The following ELAVL2 variants were observed in gnomAD, a reference collection of about 807,000 sequenced individuals.
ELAVL2 encodes ELAV like RNA binding protein 2, also known as ELAV-like protein 2.
ELAVL2 carries 4 observed loss-of-function variants against 34.6 expected under a neutral mutation model. The ratio of observed to expected loss-of-function variants is 0.12; its 90% CI spans 0.06 to 0.26. The LOEUF is 0.26. ELAVL2 is among the 10% of genes least tolerant of loss of function. The pLI is 1.00. For missense variants in ELAVL2, 432 were observed against 442.8 expected, an observed-to-expected ratio of 0.98 and a Z score of 0.22; for synonymous variants, 193 against 154.8, an observed-to-expected ratio of 1.25 and a Z score of -1.83.
intron 1 of ELAVL2, among the ~76,000 whole-genome samples, chr9:23,814,751 G>C (rs560687261): frequency 2.0e-5 from 3 of 152,100 alleles, no homozygotes; most frequent in Non-Finnish European, 4.4e-5. Flanking sequence ...CTGCAATAAA[G>C]GTGGATGACC....
intron 1 of ELAVL2, among the ~76,000 whole-genome samples, chr9:23,787,162 A>C (rs2059791200): frequency 6.6e-6 from 1 of 152,094 alleles, no homozygotes; most frequent in South Asian, 2.1e-4. Context: ...GACAGCTATT[A>C]ATTTAATTTA....
intron 1 of ELAVL2, among the ~76,000 whole-genome samples, chr9:23,812,979 T>G (rs1252527237): frequency 2.0e-5 from 3 of 152,114 alleles, no homozygotes; most frequent in Admixed American, 2.0e-4. Flanking sequence ...CAGATCTTCA[T>G]ATCTATTTAC....
intron 1 of ELAVL2, among the ~76,000 whole-genome samples, chr9:23,797,024 G>C (rs769329381): frequency 2.6e-5 from 4 of 152,094 alleles, no homozygotes; most frequent in Admixed American, 2.0e-4. Flanking sequence ...AGCATGACAT[G>C]GTAGCCAATT....
chr9:23,747,503 C>T (rs1046675189), intron 2 of ELAVL2, among the ~76,000 whole-genome samples: 6 of 152,094 alleles, frequency 3.9e-5, no homozygotes, highest in Non-Finnish European at 8.8e-5. Flanking sequence ...TGATATTCTC[C>T]AGCACACCCA....
intron 1 of ELAVL2, among the ~76,000 whole-genome samples, chr9:23,810,939 A>G (rs2138077970): frequency 6.6e-6 from 1 of 152,268 alleles, no homozygotes; most frequent in Non-Finnish European, 1.5e-5. Flanking sequence ...TGGTAAGTCA[A>G]CAACTAAAAA....
intron 3 of ELAVL2, among the ~76,000 whole-genome samples, chr9:23,719,626 T>C (rs1339327817): frequency 6.6e-6 from 1 of 152,118 alleles, no homozygotes; most frequent in East Asian, 1.9e-4. Context: ...TAAATTAAGT[T>C]TGCATATAGC....
intron 3 of ELAVL2, among the ~76,000 whole-genome samples, chr9:23,716,369 G>C (rs2042314358): frequency 6.6e-6 from 1 of 152,034 alleles, no homozygotes; most frequent in African/African-American, 2.4e-5. Flanking sequence ...CAAAAAAGCT[G>C]TTAAGTCCTT....
intron 2 of ELAVL2, 51 bp from the exon 3 acceptor site, chr9:23,731,176 A>C: frequency 6.6e-7 from 1 of 1,511,234 alleles, no homozygotes; most frequent in Admixed American, 2.0e-5. Context: ...TACTGTTGAC[A>C]GAGATCAACT....
chr9:23,824,944 C>A (rs1343061775), intron 1 of ELAVL2, among the ~76,000 whole-genome samples: 6 of 152,140 alleles, frequency 3.9e-5, no homozygotes, highest in Non-Finnish European at 7.4e-5. Flanking sequence ...TCCCCGAAGG[C>A]GAAGTCAGCC....
intron 2 of ELAVL2, among the ~76,000 whole-genome samples, chr9:23,761,757 A>G (rs2055065682): frequency 6.6e-6 from 1 of 152,036 alleles, no homozygotes; most frequent in South Asian, 2.1e-4. Context: ...CTTTTAGAAG[A>G]TTTTCCAAAG....
intron 3 of ELAVL2, among the ~76,000 whole-genome samples, chr9:23,727,343 T>C (rs1318795645): frequency 1.3e-5 from 2 of 152,104 alleles, no homozygotes; most frequent in Non-Finnish European, 2.9e-5. Context: ...TCAATTTCTA[T>C]GCCATGTTTT....
intron 2 of ELAVL2, among the ~76,000 whole-genome samples, chr9:23,736,918 T>C (rs1256171665): frequency 1.3e-5 from 2 of 152,140 alleles, no homozygotes; most frequent in Non-Finnish European, 2.9e-5. Context: ...AAAATGCACA[T>C]TCAGTTCTCT....
chr9:23,691,575 A>C lies in ELAVL2; in HGVS notation c.*982T>G, dbSNP rs565126541. 1 of 152,602 alleles carries C rather than the reference A, an allele frequency of 6.6e-6. No homozygotes were observed. Among genetic ancestry groups the C allele is most frequent in the Non-Finnish European group, 1.5e-5 (1 of 67,982 alleles). 9.5% of individuals were successfully genotyped at this position (152,602 alleles called of 1,614,324 possible). On this transcript the variant is annotated 3_prime_UTR_variant, in exon 7 of 7. Coordinates refer to ENST00000397312, the MANE Select transcript of ELAVL2 (RefSeq NM_004432.5). ...TGCCTGCTCTTATATATTCTTTTGT[A>C]AATTTTTTTTATTTGTTTCAAAATC... is the stretch of plus-strand genomic sequence containing the variant.
chr9:23,811,920 T>C (rs538436866), intron 1 of ELAVL2, among the ~76,000 whole-genome samples: 3 of 151,964 alleles, frequency 2.0e-5, no homozygotes, highest in Admixed American at 2.0e-4. Flanking sequence ...AAAAACAATA[T>C]GGGAGGAACG....
chr9:23,770,718 A>C (rs1213940883), intron 1 of ELAVL2, among the ~76,000 whole-genome samples: 6 of 152,226 alleles, frequency 3.9e-5, no homozygotes, highest in Admixed American at 2.6e-4. Context: ...CCAACACTTT[A>C]ATCTTAGCCC....
At chr9:23,829,257 C>T (rs752171831), upstream of ELAVL2, among the ~76,000 whole-genome samples, 8 of 152,060 alleles carry the variant, frequency 5.3e-5, no homozygotes, top group Non-Finnish European at 1.0e-4. Context: ...CCGAAAAAGT[C>T]ATGAATTTAA....
chr9:23,820,977 C>G (rs917451428), intron 1 of ELAVL2, among the ~76,000 whole-genome samples: 16 of 152,328 alleles, frequency 1.1e-4, no homozygotes, highest in African/African-American at 3.8e-4. Context: ...GCCCTGGGCG[C>G]CCGCGGCCCT....
At chr9:23,705,821 G>A (rs936976403) in intron 3 of ELAVL2, among the ~76,000 whole-genome samples, 29 of 152,152 alleles carry the variant, frequency 1.9e-4, no homozygotes, top group African/African-American at 6.8e-4. Flanking sequence ...AACAGGCCAC[G>A]GACTGGTATG....
At chr9:23,793,848 T>C (rs116262011) in intron 1 of ELAVL2, among the ~76,000 whole-genome samples, 138 of 152,278 alleles carry the variant, frequency 9.1e-4, no homozygotes, top group African/African-American at 3.2e-3. Context: ...CTGGTTCCAA[T>C]TTACACGCAT....
Sources: allele counts gnomAD v4.1 joint callset (sites outside exome capture counted in the v4.1 genomes callset), GRCh38; gene constraint gnomAD v4.1.1; transcripts MANE v1.5; gene names NCBI Gene and HGNC (gene_info 2026-07-23, HGNC 2026-07-21).